The following PKIB variants were observed in gnomAD, a reference collection of about 807,000 sequenced individuals.
PKIB encodes the protein PKI-beta.
PKIB carries 2 observed loss-of-function variants against 4.5 expected under a neutral mutation model. The observed-to-expected ratio is 0.44, with a 90% CI of 0.18 to 1.39. The LOEUF (loss-of-function observed/expected upper bound fraction) is 1.39. Among genes scored for constraint, PKIB ranks in the 40% most tolerant of loss-of-function variants. The pLI is 0.27. For synonymous variants in PKIB, 38 were observed against 36.0 expected, an observed-to-expected ratio of 1.06 and a Z score of -0.20; for missense variants, 94 against 92.6, an observed-to-expected ratio of 1.02 and a Z score of -0.06.
chr6:122,692,960 G>A (rs1368816278), intron 3 of PKIB, among the ~76,000 whole-genome samples: 2 of 152,212 alleles, frequency 1.3e-5, no homozygotes, highest in African/African-American at 2.4e-5. Context: ...GACTATTCAA[G>A]TTAAGAGAAG....
At chr6:122,722,296 CA>C (rs1241371578) in intron 4 of PKIB, among the ~76,000 whole-genome samples, 6 of 151,866 alleles carry the variant, frequency 4.0e-5, no homozygotes, top group African/African-American at 1.4e-4. Flanking sequence ...CATTACAAAG[CA>C]AAAAATGAGA....
At chr6:122,570,230 T>C (rs574133490) in intron 2 of PKIB, among the ~76,000 whole-genome samples, 16 of 152,282 alleles carry the variant, frequency 1.1e-4, no homozygotes, top group African/African-American at 3.4e-4. Context: ...GGGAAGTAGA[T>C]GCCTTCCCTG....
At chr6:122,553,358 G>A (rs562879084) in intron 2 of PKIB, among the ~76,000 whole-genome samples, 1 of 151,880 alleles carries the variant, frequency 6.6e-6, no homozygotes, top group Non-Finnish European at 1.5e-5. Context: ...CGAATACTCA[G>A]TTTTCAGGGT....
Position 122,706,024 on chromosome 6 carries a change from A to G in PKIB, c.-8-11763A>G, listed in dbSNP as rs147943046. ...ATTTTTCCAACTCCACGTGGGCATA[A>G]CACTCCATGGCAGCGAAATGTTTCC... On this transcript the variant is annotated intron_variant, in intron 3 of 4. Transcript: ENST00000368452. Among the ~76,000 whole-genome samples, 171 of 152,248 alleles carry G rather than the reference A, an allele frequency of 1.1e-3. 2 individuals carry two copies. In the East Asian group the frequency reaches 0.029, roughly 26 times the overall value.
chr6:122,547,756 A>G (rs1582691204), intron 2 of PKIB, among the ~76,000 whole-genome samples: 2 of 127,852 alleles, frequency 1.6e-5, no homozygotes, highest in East Asian at 5.3e-4. Flanking sequence ...GACACGAACC[A>G]TATGCACAGC....
chr6:122,632,896 T>C lies in PKIB; in HGVS notation c.-160-387T>C, dbSNP rs577316938. The stretch of plus-strand genomic sequence containing the variant: ...GAAAATCTAAAAAAAAATCTTGCTT[T>C]CTTGTTTATTTTACTATTTAGTAAG... On this transcript the variant is annotated intron_variant, in intron 1 of 4. Transcript: ENST00000368452. 8.5e-4 allele frequency among the ~76,000 whole-genome samples: 129 copies of C among 152,366 alleles called. 1 individual carries two copies. The highest frequency in any genetic ancestry group is 3.1e-3 in the African/African-American group (127 of 41,594).
At chr6:122,599,486 T>G (rs1774287346) in intron 3 of PKIB, among the ~76,000 whole-genome samples, 1 of 152,178 alleles carries the variant, frequency 6.6e-6, no homozygotes, top group Non-Finnish European at 1.5e-5. Flanking sequence ...TTTTCCACAA[T>G]TTCAGCTTTT....
At chr6:122,561,014 T>C (rs1235273745) in intron 2 of PKIB, among the ~76,000 whole-genome samples, 4 of 152,036 alleles carry the variant, frequency 2.6e-5, no homozygotes, top group Non-Finnish European at 4.4e-5. Context: ...ATTTATCTTT[T>C]TTATTTTTAT....
chr6:122,611,730 C>T (rs1034156641), intron 1 of PKIB, among the ~76,000 whole-genome samples: 1 of 152,120 alleles, frequency 6.6e-6, no homozygotes, highest in African/African-American at 2.4e-5. Context: ...TTAGAAAGCT[C>T]AGCATTTGGA....
chr6:122,625,167 A>G (rs919244466), intron 1 of PKIB, among the ~76,000 whole-genome samples: 1 of 152,222 alleles, frequency 6.6e-6, no homozygotes, highest in Admixed American at 6.5e-5. Context: ...ATCTAAGAAG[A>G]CAATTAGATG....
intron 2 of PKIB, among the ~76,000 whole-genome samples, chr6:122,576,135 C>A (rs9398678): frequency 6.6e-6 from 1 of 152,104 alleles, no homozygotes; most frequent in East Asian, 1.9e-4. Context: ...TGGAAATGTC[C>A]TATAACTTGA....
chr6:122,570,716 CTA>C, intron 2 of PKIB, among the ~76,000 whole-genome samples: 1 of 151,780 alleles, frequency 6.6e-6, no homozygotes. Flanking sequence ...AGTCAGATTC[CTA>C]AGAGGGAAAA....
intron 3 of PKIB, 42 bp from the exon 4 acceptor site, chr6:122,717,744 TC>T: frequency 1.3e-6 from 2 of 1,596,076 alleles, no homozygotes; most frequent in Non-Finnish European, 1.7e-6. Flanking sequence ...AACATTTACT[TC>T]TGAATAGGCT....
intron 2 of PKIB, among the ~76,000 whole-genome samples, chr6:122,634,359 AAAAT>A (rs916796560): frequency 7.4e-4 from 112 of 152,262 alleles, no homozygotes; most frequent in African/African-American, 2.6e-3. Context: ...AAGTATAATA[AAAAT>A]AAATAAATAA....
At chr6:122,492,708 G>C (rs529089981) in intron 2 of PKIB, among the ~76,000 whole-genome samples, 9 of 150,748 alleles carry the variant, frequency 6.0e-5, no homozygotes, top group African/African-American at 2.2e-4. Flanking sequence ...AGTAATTTAA[G>C]CATAAGAGGT....
chr6:122,627,822 T>A lies in PKIB; in HGVS notation c.-160-5461T>A, dbSNP rs1023683897. Among the ~76,000 whole-genome samples the A allele has an allele frequency of 2.6e-5, 4 of 152,268 alleles. No individual in the cohort carries two copies. In the East Asian group the frequency reaches 7.7e-4, roughly 29 times the overall value. On this transcript the variant is annotated intron_variant, in intron 1 of 4. Coordinates refer to ENST00000368452, the MANE Select transcript of PKIB (RefSeq NM_181795.3). ...TCCCTCATTTACTGATAAAGAAAAC[T>A]TCTTTTTATAAAATATCATTAATTT...
intron 3 of PKIB, among the ~76,000 whole-genome samples, chr6:122,597,298 GATATAGCCCTA>G: frequency 6.6e-6 from 1 of 152,328 alleles, no homozygotes; most frequent in Middle Eastern, 3.4e-3. Context: ...CTGGAGAGTT[GATATAGCCCTA>G]AGGTGGGACA....
chr6:122,486,864 T>C (rs1302198664), intron 2 of PKIB, among the ~76,000 whole-genome samples: 1 of 152,180 alleles, frequency 6.6e-6, no homozygotes, highest in East Asian at 1.9e-4. Context: ...AAAGTTATAA[T>C]ACTATGAAGA....
At chr6:122,576,689 A>AAAAAAAAAATATAT (rs1345822382) in intron 2 of PKIB, among the ~76,000 whole-genome samples, 17 of 34,310 alleles carry the variant, frequency 5.0e-4, no homozygotes, top group African/African-American at 1.7e-3. Flanking sequence ...AAAAAAAAAA[A>AAAAAAAAAATATAT]ATATATATAT....
Sources: gnomAD v4.1 joint callset for allele counts (sites outside exome capture counted in the v4.1 genomes callset) on GRCh38, gnomAD v4.1.1 for gene constraint, MANE v1.5 for transcripts, NCBI Gene and HGNC (gene_info 2026-07-23, HGNC 2026-07-21) for gene names.